Variants in PLEKHA2 observed in about 807,000 individuals in gnomAD.
PLEKHA2 encodes the protein pleckstrin homology domain-containing family A member 2.
PLEKHA2 carries 28 observed loss-of-function variants against 53.2 expected under a neutral mutation model. The ratio of observed to expected loss-of-function variants is 0.53; its 90% CI spans 0.39 to 0.72. The LOEUF is 0.72. Ranked by LOEUF, PLEKHA2 falls within the 30% of genes least tolerant of loss-of-function variation. The pLI, the probability that PLEKHA2 is intolerant of heterozygous loss-of-function variation, is 0.00. For synonymous variants in PLEKHA2, 193 were observed against 196.4 expected (o/e 0.98, Z 0.14); for missense variants, 426 against 537.9 (o/e 0.79, Z 2.06).
At chr8:38,959,906 G>C (rs1430993605) in intron 10 of PLEKHA2, among the ~76,000 whole-genome samples, 1 of 152,174 alleles carries the variant, frequency 6.6e-6, no homozygotes. Flanking sequence ...GTGGTTCAGA[G>C]TTTACAGTGC....
chr8:38,965,663 T>C lies in PLEKHA2; in HGVS notation c.838-2929T>C, dbSNP rs1383448141. Among the ~76,000 whole-genome samples, 4 of 152,266 alleles carry C rather than the reference T, an allele frequency of 2.6e-5. No homozygotes were observed. The East Asian group carries it at 7.7e-4, about 29-fold the overall frequency. Reference sequence around the variant, plus strand: ...ACATGATCTTATTTGATCTTGATGATTTGATCTTTGAGGTAGGAATTAGCT... The same window carrying C: ...ACATGATCTTATTTGATCTTGATGACTTGATCTTTGAGGTAGGAATTAGCT... On this transcript the variant is annotated intron_variant, in intron 10 of 11. Coordinates refer to ENST00000617275, the MANE Select transcript of PLEKHA2 (RefSeq NM_021623.2).
chr8:38,945,156 A>G (rs546847046), intron 4 of PLEKHA2, among the ~76,000 whole-genome samples: 1 of 152,312 alleles, frequency 6.6e-6, no homozygotes, highest in Admixed American at 6.5e-5. Context: ...GGCTCCTACT[A>G]TGTTCTCACA....
chr8:38,951,300 A>C (rs1289939778), intron 6 of PLEKHA2, among the ~76,000 whole-genome samples: 1 of 152,088 alleles, frequency 6.6e-6, no homozygotes, highest in Non-Finnish European at 1.5e-5. Flanking sequence ...CATGGCAAAC[A>C]AGGCTGGAAA....
chr8:38,952,932 T>A (rs918894317), intron 8 of PLEKHA2, among the ~76,000 whole-genome samples: 1 of 151,998 alleles, frequency 6.6e-6, no homozygotes. Context: ...CATCTTCTTC[T>A]TATATTTTTT....
In PLEKHA2 at chr8:38,908,237, C is replaced by A. The variant is rs143154348; in HGVS notation, c.-24+6792C>A. Among the ~76,000 whole-genome samples, 127 of 152,230 alleles carry A rather than the reference C, an allele frequency of 8.3e-4. 1 individual carries two copies. The East Asian group carries it at 0.024, about 28-fold the overall frequency. ...TAAGACCAGAGAGCAAGGGACCACA[C>A]CAGCAGGAGAAAGAGGGAAAGGCGC... On this transcript the variant is annotated intron_variant, in intron 1 of 11. Coordinates refer to ENST00000617275, the MANE Select transcript of PLEKHA2 (RefSeq NM_021623.2).
intron 1 of PLEKHA2, among the ~76,000 whole-genome samples, chr8:38,913,748 G>A (rs542380129): frequency 5.7e-4 from 87 of 152,208 alleles, no homozygotes; most frequent in Middle Eastern, 6.8e-3. Flanking sequence ...ATGCTCCCCC[G>A]CCCCCAGCCA....
intron 10 of PLEKHA2, 62 bp downstream of exon 10, chr8:38,957,448 C>T (rs1378432139): frequency 1.5e-6 from 2 of 1,373,122 alleles, no homozygotes. Context: ...CCCTCACAGG[C>T]CGTGTCCTTT....
chr8:38,952,153 T>G lies in PLEKHA2; in HGVS notation c.487-13T>G. On this transcript the variant is annotated splice_polypyrimidine_tract_variant and intron_variant, in intron 6 of 11. Coordinates refer to ENST00000617275, the MANE Select transcript of PLEKHA2 (RefSeq NM_021623.2). ...GGGAGGGAGGCGCTGATACTGACAC[T>G]GTTTCCTTGCAGAACGGTGGGGATG... 1.2e-6 allele frequency: 2 copies of G among 1,610,742 alleles called. No individual in the cohort carries two copies. The highest frequency in any genetic ancestry group is 1.7e-6 in the Non-Finnish European group (2 of 1,178,488).
intron 1 of PLEKHA2, among the ~76,000 whole-genome samples, chr8:38,912,949 C>T (rs937563285): frequency 1.3e-5 from 2 of 152,214 alleles, no homozygotes; most frequent in African/African-American, 4.8e-5. Flanking sequence ...GAGATGTAAC[C>T]TGAATGCTTA....
chr8:38,918,249 C>G (rs1306259118), intron 2 of PLEKHA2, among the ~76,000 whole-genome samples, 179 bp downstream of exon 2: 1 of 151,716 alleles, frequency 6.6e-6, no homozygotes, highest in Non-Finnish European at 1.5e-5. Flanking sequence ...CACGTGCACA[C>G]ACACCACACA....
intron 2 of PLEKHA2, among the ~76,000 whole-genome samples, chr8:38,921,703 G>A (rs891761167): frequency 6.6e-6 from 1 of 152,252 alleles, no homozygotes; most frequent in African/African-American, 2.4e-5. Context: ...CCTTCTTCAA[G>A]TTTGAATTAC....
chr8:38,916,901 G>C (rs965172017), intron 1 of PLEKHA2, among the ~76,000 whole-genome samples: 1 of 152,066 alleles, frequency 6.6e-6, no homozygotes, highest in Admixed American at 6.5e-5. Flanking sequence ...ACCGTACAAG[G>C]GTTCCCTTTT....
At chr8:38,923,433 C>G (rs1662642884) in intron 2 of PLEKHA2, among the ~76,000 whole-genome samples, 1 of 152,204 alleles carries the variant, frequency 6.6e-6, no homozygotes, top group Admixed American at 6.5e-5. Context: ...TCTTGAACTC[C>G]TGACCTCAAA....
At chr8:38,952,413 C>A in intron 7 of PLEKHA2, 101 bp downstream of exon 7, 1 of 1,489,472 alleles carries the variant, frequency 6.7e-7, no homozygotes, top group East Asian at 2.4e-5. Flanking sequence ...GGAGGTGCCT[C>A]AGTCCTCCAT....
chr8:38,955,173 G>T (rs1030842606), intron 9 of PLEKHA2, among the ~76,000 whole-genome samples: 1 of 152,152 alleles, frequency 6.6e-6, no homozygotes, highest in Non-Finnish European at 1.5e-5. Context: ...CAGTGTCCAC[G>T]GTGCCCAAAT....
chr8:38,955,208 C>G (rs974797079), intron 9 of PLEKHA2, among the ~76,000 whole-genome samples: 4 of 152,162 alleles, frequency 2.6e-5, no homozygotes, highest in Non-Finnish European at 5.9e-5. Context: ...CCCTCACCCC[C>G]CTCCTGCCCT....
At chr8:38,911,254 T>TC (rs397694933) in intron 1 of PLEKHA2, among the ~76,000 whole-genome samples, 1 of 151,260 alleles carries the variant, frequency 6.6e-6, no homozygotes, top group Non-Finnish European at 1.5e-5. Context: ...CTTTTTTTTT[T>TC]GAGAGGGAGT....
At chr8:38,956,312 A>G (rs542076980) in intron 9 of PLEKHA2, among the ~76,000 whole-genome samples, 1 of 152,246 alleles carries the variant, frequency 6.6e-6, no homozygotes, top group Admixed American at 6.5e-5. Context: ...AGTGTCCCCT[A>G]AAGGAGTGCC....
chr8:38,969,279 C>A, intron 11 of PLEKHA2, 142 bp from the exon 12 acceptor site: 2 of 974,942 alleles, frequency 2.1e-6, no homozygotes, highest in South Asian at 3.4e-5. Context: ...ATCCTTTTGA[C>A]TGTATTTCAT....
Sources: allele counts gnomAD v4.1 joint callset (sites outside exome capture counted in the v4.1 genomes callset), GRCh38; gene constraint gnomAD v4.1.1; transcripts MANE v1.5; gene names NCBI Gene and HGNC (gene_info 2026-07-23, HGNC 2026-07-21).